Variants in MTUS2 observed in about 807,000 individuals in gnomAD.
MTUS2 encodes microtubule-associated tumor suppressor candidate 2.
Under a neutral mutation model 114.1 loss-of-function variants are expected in MTUS2, and 40 were observed. The observed-to-expected ratio is 0.35, with a 90% CI of 0.27 to 0.46. The LOEUF (loss-of-function observed/expected upper bound fraction) is 0.46. MTUS2 is among the 20% of genes least tolerant of loss of function. The pLI, the probability that MTUS2 is intolerant of heterozygous loss-of-function variation, is 1.00. For synonymous variants in MTUS2, 688 were observed against 672.0 expected, an observed-to-expected ratio of 1.02 and a Z score of -0.37; for missense variants, 1,679 against 1,705.4, an observed-to-expected ratio of 0.98 and a Z score of 0.27.
chr13:29,038,749 A>G (rs1212922837), intron 4 of MTUS2, among the ~76,000 whole-genome samples: 3 of 152,214 alleles, frequency 2.0e-5, no homozygotes, highest in Non-Finnish European at 4.4e-5. Context: ...CCCAGACGGG[A>G]GGAATCTAGA....
chr13:28,908,712 A>G (rs534410451), intron 2 of MTUS2, among the ~76,000 whole-genome samples: 21 of 151,662 alleles, frequency 1.4e-4, no homozygotes, highest in East Asian at 7.7e-4. Flanking sequence ...CTGAGGAATC[A>G]CCACACTGAC....
intron 8 of MTUS2, among the ~76,000 whole-genome samples, chr13:29,385,543 C>G (rs751896199): frequency 1.6e-4 from 24 of 152,226 alleles, no homozygotes; most frequent in Non-Finnish European, 3.2e-4. Flanking sequence ...TTTAGCCTCC[C>G]TGCCCCATCC....
At chr13:29,338,405 G>A (rs909805906) in intron 7 of MTUS2, among the ~76,000 whole-genome samples, 4 of 150,402 alleles carry the variant, frequency 2.7e-5, no homozygotes, top group African/African-American at 9.7e-5. Context: ...TGGGCAACAT[G>A]GTGAAACCCA....
intron 8 of MTUS2, among the ~76,000 whole-genome samples, chr13:29,426,160 T>C (rs1366631692): frequency 1.3e-5 from 2 of 152,222 alleles, no homozygotes; most frequent in African/African-American, 4.8e-5. Flanking sequence ...AGGAGCTGTT[T>C]GCCTCCGGAT....
intron 2 of MTUS2, among the ~76,000 whole-genome samples, chr13:28,879,655 C>G (rs949694369): frequency 2.0e-5 from 3 of 152,106 alleles, no homozygotes; most frequent in Non-Finnish European, 4.4e-5. Context: ...GGATATTTTG[C>G]TCTATCTGCT....
intron 4 of MTUS2, among the ~76,000 whole-genome samples, chr13:29,055,596 T>G (rs1213013582): frequency 6.6e-6 from 1 of 152,114 alleles, no homozygotes; most frequent in East Asian, 1.9e-4. Context: ...TAGCTTTCCC[T>G]TATAGATGAG....
chr13:29,489,895 G>A (rs957027837), intron 11 of MTUS2: 2 of 152,196 alleles, frequency 1.3e-5, no homozygotes, highest in African/African-American at 4.8e-5. Context: ...TCTGTCACTA[G>A]AGGAAGCTGG....
intron 5 of MTUS2, among the ~76,000 whole-genome samples, chr13:29,273,834 A>G (rs1025174255): frequency 2.0e-5 from 3 of 152,174 alleles, no homozygotes; most frequent in Non-Finnish European, 2.9e-5. Flanking sequence ...TGCATGGTAT[A>G]TAGCATGTAT....
chr13:28,929,668 G>A (rs1881509711), intron 2 of MTUS2, among the ~76,000 whole-genome samples: 1 of 152,056 alleles, frequency 6.6e-6, no homozygotes, highest in African/African-American at 2.4e-5. Context: ...GGTGAATGAG[G>A]GAGGACTTTA....
intron 5 of MTUS2, among the ~76,000 whole-genome samples, chr13:29,155,602 C>G (rs1349701259): frequency 6.6e-6 from 1 of 152,102 alleles, no homozygotes; most frequent in African/African-American, 2.4e-5. Flanking sequence ...CCCCAGTATT[C>G]AGTCTGTAAA....
chr13:29,119,810 T>C (rs1367444882), intron 5 of MTUS2, among the ~76,000 whole-genome samples: 4 of 152,190 alleles, frequency 2.6e-5, no homozygotes, highest in African/African-American at 9.7e-5. Flanking sequence ...AATGCTAATA[T>C]CTTCCAGAAA....
At chr13:29,169,031 T>G (rs1003063303) in intron 5 of MTUS2, among the ~76,000 whole-genome samples, 3 of 152,168 alleles carry the variant, frequency 2.0e-5, no homozygotes, top group African/African-American at 7.2e-5. Context: ...ATGACTTTTC[T>G]TTTTAGGTTG....
chr13:29,041,960 T>A (rs148954096), intron 4 of MTUS2, among the ~76,000 whole-genome samples: 1 of 152,308 alleles, frequency 6.6e-6, no homozygotes, highest in East Asian at 1.9e-4. Flanking sequence ...CTTTTATTTC[T>A]TTCACTTGTC....
chr13:29,185,320 C>T (rs900789526), intron 5 of MTUS2, among the ~76,000 whole-genome samples: 3 of 151,936 alleles, frequency 2.0e-5, no homozygotes, highest in Admixed American at 6.6e-5. Flanking sequence ...TGCAAATGGG[C>T]GTCCCACAAG....
chr13:29,475,886 G>T (rs888826230), intron 9 of MTUS2, among the ~76,000 whole-genome samples: 15 of 152,102 alleles, frequency 9.9e-5, no homozygotes, highest in African/African-American at 3.6e-4. Context: ...ATTTAGTGTA[G>T]CCTAAGTGTA....
intron 5 of MTUS2, among the ~76,000 whole-genome samples, chr13:29,199,875 T>C (rs1363438722): frequency 1.3e-5 from 2 of 152,190 alleles, no homozygotes; most frequent in East Asian, 3.9e-4. Context: ...TCAGAACTTG[T>C]TTTTGGTCTA....
intron 5 of MTUS2, among the ~76,000 whole-genome samples, chr13:29,236,312 G>A (rs909965794): frequency 2.6e-4 from 40 of 152,066 alleles, no homozygotes; most frequent in African/African-American, 9.2e-4. Flanking sequence ...TATTCGATAT[G>A]TTCTATTACA....
chr13:29,469,395 G>A (rs1454356431), intron 9 of MTUS2, among the ~76,000 whole-genome samples: 10 of 152,166 alleles, frequency 6.6e-5, no homozygotes, highest in African/African-American at 1.2e-4. Flanking sequence ...TTGGGAGGCC[G>A]AGGCTGGTGG....
At position 28,824,508 on chromosome 13, in the gene MTUS2, C is replaced by T. The variant is rs371243308; in HGVS notation, c.-316+3897C>T. On this transcript the variant is annotated intron_variant, in intron 1 of 15. Coordinates refer to ENST00000612955, the MANE Select transcript of MTUS2 (RefSeq NM_001033602.4). ...CCTTGACCCTGCTTGAGCCCCCACA[C>T]ATTCTCATTTCTCCTCCCTACTTCC... 1.0e-3 allele frequency among the ~76,000 whole-genome samples: 152 copies of T among 152,292 alleles called. 1 individual carries two copies. Among genetic ancestry groups the T allele is most frequent in the African/African-American group, 3.5e-3 (147 of 41,560 alleles).
Sources: gnomAD v4.1 joint callset for allele counts (sites outside exome capture counted in the v4.1 genomes callset) on GRCh38, gnomAD v4.1.1 for gene constraint, MANE v1.5 for transcripts, NCBI Gene and HGNC (gene_info 2026-07-23, HGNC 2026-07-21) for gene names.